WWC2: variants seen among roughly 807,000 people sequenced by gnomAD.
WWC2 encodes protein WWC2.
WWC2 carries 101 observed loss-of-function variants against 138.5 expected under a neutral mutation model. That is an observed-to-expected ratio of 0.73 (90% confidence interval 0.62 to 0.86). The LOEUF (loss-of-function observed/expected upper bound fraction) is 0.86, where lower values mean the gene tolerates loss of function less well. Among genes scored for constraint, WWC2 ranks in the 40% least tolerant of loss-of-function variants. The pLI, the probability that WWC2 is intolerant of heterozygous loss-of-function variation, is 0.00. For synonymous variants in WWC2, 558 were observed against 538.4 expected, an observed-to-expected ratio of 1.04 and a Z score of -0.50; for missense variants, 1,420 against 1,419.4, an observed-to-expected ratio of 1.00 and a Z score of -0.01.
intron 1 of WWC2, among the ~76,000 whole-genome samples, chr4:183,142,158 A>G (rs1437056267): frequency 2.0e-5 from 3 of 152,258 alleles, no homozygotes; most frequent in Non-Finnish European, 2.9e-5. Context: ...ATGAAATACC[A>G]AATACAGAGG....
intron 6 of WWC2, among the ~76,000 whole-genome samples, chr4:183,248,204 G>C (rs1326092417): frequency 6.6e-6 from 1 of 152,166 alleles, no homozygotes; most frequent in Non-Finnish European, 1.5e-5. Flanking sequence ...AGCAACTTCT[G>C]AGCCTCAGTT....
intron 4 of WWC2, among the ~76,000 whole-genome samples, chr4:183,221,219 T>C (rs1735926490): frequency 6.6e-6 from 1 of 152,222 alleles, no homozygotes. Flanking sequence ...TTTATAATCA[T>C]AAATAGATCA....
intron 21 of WWC2, among the ~76,000 whole-genome samples, chr4:183,304,781 C>A (rs942190671): frequency 6.6e-6 from 1 of 152,196 alleles, no homozygotes; most frequent in Non-Finnish European, 1.5e-5. Flanking sequence ...TCTTTACCCC[C>A]ATCTTACCAC....
At chr4:183,289,306 A>G in intron 20 of WWC2, 87 bp from the exon 21 acceptor site, 3 of 1,513,732 alleles carry the variant, frequency 2.0e-6, no homozygotes, top group Non-Finnish European at 2.7e-6. Flanking sequence ...AGGAAGCACC[A>G]TCCATCATGC....
At chr4:183,291,908 A>G (rs893602371) in intron 21 of WWC2, among the ~76,000 whole-genome samples, 2 of 152,116 alleles carry the variant, frequency 1.3e-5, no homozygotes, top group African/African-American at 4.8e-5. Flanking sequence ...CTAATGAGGG[A>G]CAGAACTACA....
chr4:183,126,769 G>T (rs917043600), intron 1 of WWC2, among the ~76,000 whole-genome samples: 3 of 151,904 alleles, frequency 2.0e-5, no homozygotes, highest in Admixed American at 1.3e-4. Flanking sequence ...TTGAGACAGG[G>T]TCTTGCTCTG....
chr4:183,300,235 G>T (rs1355801918), intron 21 of WWC2, among the ~76,000 whole-genome samples: 1 of 152,004 alleles, frequency 6.6e-6, no homozygotes, highest in Non-Finnish European at 1.5e-5. Context: ...CCCAGGCCTC[G>T]TAAGCCCGGC....
chr4:183,155,621 A>G (rs1733784086), intron 1 of WWC2, among the ~76,000 whole-genome samples: 3 of 152,110 alleles, frequency 2.0e-5, no homozygotes, highest in African/African-American at 7.2e-5. Flanking sequence ...GAGTGCTGGT[A>G]TTGGAATGAG....
chr4:183,262,788 G>A (rs987071449), intron 11 of WWC2, among the ~76,000 whole-genome samples: 2 of 152,026 alleles, frequency 1.3e-5, no homozygotes, highest in African/African-American at 2.4e-5. Flanking sequence ...GCGTGCGTGC[G>A]TGCGTGTGTG....
At chr4:183,234,849 A>G (rs972905251) in intron 4 of WWC2, among the ~76,000 whole-genome samples, 3 of 152,186 alleles carry the variant, frequency 2.0e-5, no homozygotes, top group Admixed American at 2.0e-4. Context: ...GGTCAGCATT[A>G]GCTTAATCTT....
intron 1 of WWC2, among the ~76,000 whole-genome samples, chr4:183,178,891 G>A (rs751735964): frequency 9.9e-5 from 15 of 152,152 alleles, no homozygotes; most frequent in Non-Finnish European, 1.3e-4. Context: ...ATGAATCTGT[G>A]TCTGAGTAAA....
intron 1 of WWC2, among the ~76,000 whole-genome samples, chr4:183,179,576 G>A (rs1168880180): frequency 6.6e-6 from 1 of 151,822 alleles, no homozygotes; most frequent in Admixed American, 6.6e-5. Flanking sequence ...ACGGAGAGGG[G>A]GCCATCAAGG....
Position 183,256,900 on chromosome 4 carries a change from C to G in WWC2, c.1197-2739C>G, listed in dbSNP as rs866337329. Reference sequence around the variant, plus strand: ...GATCCTACAGCCCCCCCCCCCCCCCCCCCGGCTCTGTTCCTGCCCCCACAG... The same window carrying G: ...GATCCTACAGCCCCCCCCCCCCCCCGCCCGGCTCTGTTCCTGCCCCCACAG... On this transcript the variant is annotated intron_variant, in intron 9 of 22. Coordinates refer to ENST00000403733, the MANE Select transcript of WWC2 (RefSeq NM_024949.6). Among the ~76,000 whole-genome samples the G allele has an allele frequency of 8.1e-4, 81 of 99,414 alleles. 8 individuals carry two copies. Among genetic ancestry groups the G allele is most frequent in the African/African-American group, 2.9e-3 (74 of 25,558 alleles). 65.2% of individuals were successfully genotyped at this position (99,414 alleles called of 152,430 possible).
In WWC2 at chr4:183,099,326, T is replaced by C; in HGVS notation, c.-166T>C. The C allele has an allele frequency of 3.4e-6, 2 of 585,188 alleles. No individual in the cohort carries two copies. The highest frequency in any genetic ancestry group is 4.6e-6 in the Non-Finnish European group (2 of 430,876). 36.2% of individuals were successfully genotyped at this position (585,188 alleles called of 1,614,324 possible). A position where few individuals can be genotyped will look rare whatever the true frequency, so the allele number is the denominator to read the frequency against. On this transcript the variant is annotated 5_prime_UTR_variant, in exon 1 of 23. Coordinates refer to ENST00000403733, the MANE Select transcript of WWC2 (RefSeq NM_024949.6). ...CAGCGGGGCCGCGAACAGCGTTTCC[T>C]GAGGCACCTCCCGCGCGTGGTTCCG... is the stretch of plus-strand genomic sequence containing the variant.
intron 2 of WWC2, chr4:183,203,706 GTT>G (rs10717864): frequency 6.6e-6 from 1 of 152,150 alleles, no homozygotes; most frequent in Non-Finnish European, 1.5e-5. Flanking sequence ...ATCTAATTTT[GTT>G]TTTACAATAA....
chr4:183,133,143 C>CTT (rs1041167469), intron 1 of WWC2, among the ~76,000 whole-genome samples: 4 of 86,934 alleles, frequency 4.6e-5, no homozygotes, highest in Non-Finnish European at 7.0e-5. Context: ...TTCTTTCTTT[C>CTT]TTTTTTTTCT....
intron 1 of WWC2, 105 bp downstream of exon 1, chr4:183,099,727 G>A: frequency 1.8e-6 from 2 of 1,095,936 alleles, no homozygotes; most frequent in Middle Eastern, 3.9e-4. Context: ...GCGGTGCCCC[G>A]AGGGGTCCCG....
Position 183,117,215 on chromosome 4 carries a change from C to CTT in WWC2, c.131+17617_131+17618dup, listed in dbSNP as rs923478529. ...GTTCCAGCTCTTCCACATTCTTCTT[C>CTT]TTTTTTTTTTTTTTTTTTTTTTTTT... On this transcript the variant is annotated intron_variant, in intron 1 of 22. Coordinates refer to ENST00000403733, the MANE Select transcript of WWC2 (RefSeq NM_024949.6). 6.3e-3 allele frequency among the ~76,000 whole-genome samples: 605 copies of CTT among 95,670 alleles called. 22 individuals are homozygous for CTT. The highest frequency in any genetic ancestry group is 0.02 in the African/African-American group (478 of 23,548). 62.8% of individuals were successfully genotyped at this position (95,670 alleles called of 152,430 possible). A position where few individuals can be genotyped will look rare whatever the true frequency, so the allele number is the denominator to read the frequency against.
At chr4:183,187,000 A>C (rs1380622293) in intron 1 of WWC2, among the ~76,000 whole-genome samples, 1 of 152,082 alleles carries the variant, frequency 6.6e-6, no homozygotes, top group Non-Finnish European at 1.5e-5. Context: ...TGAATCATTT[A>C]AATCTTGGAG....
Sources: allele counts gnomAD v4.1 joint callset (sites outside exome capture counted in the v4.1 genomes callset), GRCh38; gene constraint gnomAD v4.1.1; transcripts MANE v1.5; gene names NCBI Gene and HGNC (gene_info 2026-07-23, HGNC 2026-07-21).